The following ZCCHC2 variants were observed in gnomAD, a reference collection of about 807,000 sequenced individuals.
ZCCHC2 encodes zinc finger CCHC-type containing 2.
A neutral mutation model predicts 103.6 loss-of-function variants in ZCCHC2; 39 were observed. The ratio of observed to expected loss-of-function variants is 0.38; its 90% CI spans 0.29 to 0.49. ZCCHC2 has a LOEUF of 0.49. Ranked by LOEUF, ZCCHC2 falls within the 20% of genes least tolerant of loss-of-function variation. The pLI is 0.96. For synonymous variants in ZCCHC2, 687 were observed against 608.9 expected (o/e 1.13, Z -1.89); for missense variants, 1,483 against 1,491.0 (o/e 0.99, Z 0.09).
In ZCCHC2 at chr18:62,530,031, A is replaced by C. The variant is rs555751551; in HGVS notation, c.939+5668A>C. 2.1e-4 allele frequency among the ~76,000 whole-genome samples: 32 copies of C among 152,348 alleles called. No homozygotes were observed. The East Asian group carries it at 6.0e-3, about 28-fold the overall frequency. On this transcript the variant is annotated intron_variant, in intron 1 of 13. Transcript: ENST00000269499. ...ACAGGAGAGTGTACATAGGTTATAC[A>C]CAAATACTAGGCCATTTTATATCCA...
chr18:62,546,854 C>A (rs115955974), intron 4 of ZCCHC2, among the ~76,000 whole-genome samples: 1,804 of 152,334 alleles, frequency 0.012, 46 homozygotes, highest in African/African-American at 0.041. Context: ...AATTGATGAA[C>A]ACCCTGCTTA....
At chr18:62,542,834 A>ATCT (rs1416440896) in intron 3 of ZCCHC2, among the ~76,000 whole-genome samples, 1 of 152,224 alleles carries the variant, frequency 6.6e-6, no homozygotes, top group African/African-American at 2.4e-5. Context: ...TGTAAGATAC[A>ATCT]TCTTTAAAAA....
intron 5 of ZCCHC2, among the ~76,000 whole-genome samples, chr18:62,551,034 G>A (rs182362704): frequency 6.6e-4 from 101 of 152,358 alleles, no homozygotes; most frequent in African/African-American, 2.3e-3. Context: ...GGCAAGGCGC[G>A]TCATTGGCGG....
At chr18:62,549,337 A>T (rs572005394) in intron 4 of ZCCHC2, among the ~76,000 whole-genome samples, 1 of 152,380 alleles carries the variant, frequency 6.6e-6, no homozygotes, top group East Asian at 1.9e-4. Flanking sequence ...TCATTCTGAC[A>T]GAGCATCTTG....
chr18:62,541,165 T>C lies in ZCCHC2; in HGVS notation c.1052-1333T>C, dbSNP rs916650339. ...CCTCCCATCACCACTTTGGCTCTTA[T>C]CCTATTGCACAGTTCTAAGGAGTTA... On this transcript the variant is annotated intron_variant, in intron 2 of 13. Transcript: ENST00000269499. 2.0e-5 allele frequency among the ~76,000 whole-genome samples: 3 copies of C among 152,224 alleles called. No individual in the cohort carries two copies. The East Asian group carries it at 5.8e-4, about 29-fold the overall frequency.
At chr18:62,559,029 A>G (rs995058442) in intron 7 of ZCCHC2, among the ~76,000 whole-genome samples, 3 of 152,258 alleles carry the variant, frequency 2.0e-5, no homozygotes, top group African/African-American at 7.2e-5. Flanking sequence ...AAAAATAGGT[A>G]TAATTAGATT....
At chr18:62,562,456 T>C (rs944277366) in intron 8 of ZCCHC2, among the ~76,000 whole-genome samples, 3 of 152,260 alleles carry the variant, frequency 2.0e-5, no homozygotes, top group Admixed American at 6.5e-5. Context: ...GTTGAGTTTG[T>C]AATATTAGTT....
intron 2 of ZCCHC2, among the ~76,000 whole-genome samples, chr18:62,541,556 AC>A (rs748054532): frequency 1.8e-3 from 87 of 47,988 alleles, no homozygotes; most frequent in African/African-American, 0.017. Flanking sequence ...CCAACAGTGT[AC>A]CCCCCACACC....
intron 1 of ZCCHC2, among the ~76,000 whole-genome samples, chr18:62,537,328 G>A (rs1035950303): frequency 2.1e-4 from 32 of 151,516 alleles, no homozygotes; most frequent in African/African-American, 7.5e-4. Context: ...ACCACTTCTG[G>A]CTAACAAAAA....
chr18:62,557,908 A>G (rs539220766), intron 6 of ZCCHC2, among the ~76,000 whole-genome samples: 2 of 152,344 alleles, frequency 1.3e-5, no homozygotes, highest in South Asian at 4.1e-4. Context: ...ACTGTATGAA[A>G]GTACAGAACT....
At chr18:62,549,828 C>G (rs1004547834) in intron 4 of ZCCHC2, among the ~76,000 whole-genome samples, 1 of 152,142 alleles carries the variant, frequency 6.6e-6, no homozygotes, top group African/African-American at 2.4e-5. Flanking sequence ...GTTTCTCACC[C>G]GTCTCTCATA....
At chr18:62,560,371 C>A in intron 7 of ZCCHC2, 1 of 397,796 alleles carries the variant, frequency 2.5e-6, no homozygotes, top group Non-Finnish European at 4.5e-6. Context: ...GATTGATTTG[C>A]TGTTAGGTGG....
At chr18:62,550,821 G>A (rs1193236323) in intron 5 of ZCCHC2, among the ~76,000 whole-genome samples, 2 of 152,220 alleles carry the variant, frequency 1.3e-5, no homozygotes, top group African/African-American at 2.4e-5. Context: ...GGGCTGGTGG[G>A]TGGGAGAGTG....
At chr18:62,561,707 A>G (rs1916124999) in intron 8 of ZCCHC2, among the ~76,000 whole-genome samples, 1 of 152,200 alleles carries the variant, frequency 6.6e-6, no homozygotes, top group South Asian at 2.1e-4. Flanking sequence ...AGGAACTCAC[A>G]CTTAAGTCAT....
At chr18:62,550,283 A>G in intron 4 of ZCCHC2, 65 bp from the exon 5 acceptor site, 1 of 1,239,652 alleles carries the variant, frequency 8.1e-7, no homozygotes, top group Non-Finnish European at 1.1e-6. Context: ...TATGCATATA[A>G]CTTGTAACAT....
Position 62,541,301 on chromosome 18 carries a change from G to A in ZCCHC2, c.1052-1197G>A, listed in dbSNP as rs17668189. ...AGGCCACCAAACACTATATATTTGG[G>A]AAGTTGACACAAAATACTGGTAATG... On this transcript the variant is annotated intron_variant, in intron 2 of 13. Coordinates refer to ENST00000269499, the MANE Select transcript of ZCCHC2 (RefSeq NM_017742.6). Among the ~76,000 whole-genome samples, 564 of 152,292 alleles carry A rather than the reference G, an allele frequency of 3.7e-3. 3 individuals are homozygous for A. The highest frequency in any genetic ancestry group is 6.0e-3 in the Non-Finnish European group (409 of 68,036).
In ZCCHC2 at chr18:62,576,749, T is replaced by C. The variant is rs1916859251; in HGVS notation, c.*170T>C. On this transcript the variant is annotated 3_prime_UTR_variant, in exon 14 of 14. Coordinates refer to ENST00000269499, the MANE Select transcript of ZCCHC2 (RefSeq NM_017742.6). ...ATGTCCAAAACAAGAAAGAATGCAA[T>C]GCTTTTGAGCCTCTGGTCTCCTGGT... is the stretch of plus-strand genomic sequence containing the variant. 1 of 610,974 alleles carries C rather than the reference T, an allele frequency of 1.6e-6. No homozygotes were observed. Among genetic ancestry groups the C allele is most frequent in the Non-Finnish European group, 2.8e-6 (1 of 353,210 alleles). 37.8% of individuals were successfully genotyped at this position (610,974 alleles called of 1,614,324 possible). A position where few individuals can be genotyped will look rare whatever the true frequency, so the allele number is the denominator to read the frequency against.
chr18:62,524,649 C>G (rs1914271306), intron 1 of ZCCHC2: 1 of 424,672 alleles, frequency 2.4e-6, no homozygotes, highest in African/African-American at 2.1e-5. Flanking sequence ...ACGTGGAGCT[C>G]CCCGCCCGGG....
At chr18:62,524,817 C>T (rs1345846733) in intron 1 of ZCCHC2, 5 of 164,406 alleles carry the variant, frequency 3.0e-5, no homozygotes, top group African/African-American at 1.2e-4. Context: ...GGGGCTCCGC[C>T]TCCCGTCTCC....
Sources: allele counts gnomAD v4.1 joint callset (sites outside exome capture counted in the v4.1 genomes callset), GRCh38; gene constraint gnomAD v4.1.1; transcripts MANE v1.5; gene names NCBI Gene and HGNC (gene_info 2026-07-23, HGNC 2026-07-21).